Variants in PCCA observed in about 807,000 individuals in gnomAD.
The protein encoded by PCCA is propionyl-CoA carboxylase subunit alpha.
In PCCA, 74 loss-of-function variants were observed where a neutral mutation model predicts 101.3. That is an observed-to-expected ratio of 0.73 (90% confidence interval 0.61 to 0.89). PCCA has a LOEUF of 0.89. Ranked by LOEUF, PCCA falls within the 40% of genes least tolerant of loss-of-function variation. The probability of loss-of-function intolerance (pLI) is 0.00; values close to 1 mark genes in which losing one functional copy is unlikely to be tolerated. For missense variants in PCCA, 891 were observed against 907.0 expected (o/e 0.98, Z 0.23); for synonymous variants, 294 against 313.6 (o/e 0.94, Z 0.66).
intron 7 of PCCA, among the ~76,000 whole-genome samples, chr13:100,225,873 G>A (rs1365375678): frequency 6.6e-6 from 1 of 151,980 alleles, no homozygotes; most frequent in Non-Finnish European, 1.5e-5. Flanking sequence ...TCACTGAAAA[G>A]CACCACCTTC....
chr13:100,386,221 T>C (rs1002552732), intron 19 of PCCA, among the ~76,000 whole-genome samples: 7 of 152,192 alleles, frequency 4.6e-5, no homozygotes, highest in African/African-American at 1.7e-4. Flanking sequence ...CTCCCTGCTA[T>C]TGGTTTAAGG....
At chr13:100,353,510 T>G (rs1363455540) in intron 18 of PCCA, among the ~76,000 whole-genome samples, 1 of 152,146 alleles carries the variant, frequency 6.6e-6, no homozygotes, top group Non-Finnish European at 1.5e-5. Flanking sequence ...AATTAAGCAA[T>G]GTACTACCAA....
intron 20 of PCCA, among the ~76,000 whole-genome samples, chr13:100,439,120 G>A (rs1177201894): frequency 6.6e-6 from 1 of 152,124 alleles, no homozygotes; most frequent in African/African-American, 2.4e-5. Flanking sequence ...TGGTTACTGG[G>A]TTAGACCACT....
chr13:100,126,570 G>T (rs1185433499), intron 4 of PCCA, among the ~76,000 whole-genome samples: 1 of 151,972 alleles, frequency 6.6e-6, no homozygotes, highest in African/African-American at 2.4e-5. Context: ...GTAGCGGGGG[G>T]TCTCTTTGTG....
Position 100,405,769 on chromosome 13 carries a change from C to CTTTT in PCCA, c.1747-19847_1747-19844dup, listed in dbSNP as rs34906541. Among the ~76,000 whole-genome samples, 210 of 116,318 alleles carry CTTTT rather than the reference C, an allele frequency of 1.8e-3. 2 individuals carry two copies. The highest frequency in any genetic ancestry group is 3.1e-3 in the East Asian group (12 of 3,888). The allele number at this position is 116,318 out of a possible 152,430, so 76.3% of individuals were successfully genotyped here. ...CCTGGACCTGTTAGGAAGTGACATT[C>CTTTT]TTTTTTTTTTTTTTTTTTTTGAGAT... is the stretch of plus-strand genomic sequence containing the variant. On this transcript the variant is annotated intron_variant, in intron 19 of 23. Coordinates refer to ENST00000376285, the MANE Select transcript of PCCA (RefSeq NM_000282.4).
chr13:100,274,382 GA>G (rs1220946939), intron 12 of PCCA, among the ~76,000 whole-genome samples: 1 of 152,082 alleles, frequency 6.6e-6, no homozygotes, highest in Non-Finnish European at 1.5e-5. Context: ...TTATCTGTTA[GA>G]TTTCTGTAGA....
chr13:100,333,714 C>T (rs940432281), intron 17 of PCCA, among the ~76,000 whole-genome samples: 3 of 152,152 alleles, frequency 2.0e-5, no homozygotes, highest in Non-Finnish European at 4.4e-5. Context: ...TATACTTCAA[C>T]CCCAAGCCCC....
At chr13:100,310,530 G>A (rs1479807798) in intron 16 of PCCA, among the ~76,000 whole-genome samples, 6 of 152,142 alleles carry the variant, frequency 3.9e-5, no homozygotes, top group Middle Eastern at 3.4e-3. Context: ...GATATAATAC[G>A]ACATAGGGGC....
intron 4 of PCCA, among the ~76,000 whole-genome samples, chr13:100,153,104 G>A (rs2053536590): frequency 6.6e-6 from 1 of 151,946 alleles, no homozygotes; most frequent in Non-Finnish European, 1.5e-5. Context: ...GCAACTTTTT[G>A]TACCTCAAAG....
At chr13:100,232,153 C>T (rs1203379583) in intron 7 of PCCA, among the ~76,000 whole-genome samples, 1 of 152,180 alleles carries the variant, frequency 6.6e-6, no homozygotes, top group Admixed American at 6.5e-5. Context: ...AACAGGGCCA[C>T]GCCGTCCATA....
chr13:100,304,231 C>A (rs148971346), intron 14 of PCCA, among the ~76,000 whole-genome samples: 233 of 152,248 alleles, frequency 1.5e-3, no homozygotes, highest in African/African-American at 5.4e-3. Context: ...GTGAGCCATC[C>A]ATAGAAAGAA....
At chr13:100,092,782 G>T (rs771612703) in intron 1 of PCCA, among the ~76,000 whole-genome samples, 10 of 152,158 alleles carry the variant, frequency 6.6e-5, no homozygotes, top group South Asian at 2.1e-4. Flanking sequence ...ATATGGAAAA[G>T]AATGTTTAGG....
intron 4 of PCCA, among the ~76,000 whole-genome samples, chr13:100,137,524 A>G (rs9557392): frequency 0.31 from 46,599 of 152,024 alleles, 8,037 homozygotes; most frequent in East Asian, 0.7. Context: ...GTTGTTAGGA[A>G]CATACACATT....
chr13:100,460,585 A>G (rs894350527), intron 21 of PCCA, among the ~76,000 whole-genome samples: 7 of 152,234 alleles, frequency 4.6e-5, no homozygotes, highest in African/African-American at 1.7e-4. Context: ...GCTAATTTAA[A>G]TCTCAAATTA....
At chr13:100,421,810 G>A (rs948184241) in intron 19 of PCCA, among the ~76,000 whole-genome samples, 3 of 151,726 alleles carry the variant, frequency 2.0e-5, no homozygotes, top group African/African-American at 7.3e-5. Flanking sequence ...TCAGCCTCCC[G>A]AGTAGCTGGG....
At chr13:100,296,791 A>G (rs1479678142) in intron 12 of PCCA, among the ~76,000 whole-genome samples, 1 of 152,210 alleles carries the variant, frequency 6.6e-6, no homozygotes, top group Non-Finnish European at 1.5e-5. Context: ...CTATAGCACC[A>G]TAATCAAAAT....
rs113438150 is a variant in PCCA, at chr13:100,089,107, C to T, written c.-14C>T. The stretch of plus-strand genomic sequence containing the variant: ...TGTGAGAGGTCAGCAGAGGGGCGGT[C>T]TGCGGGGACAACAATGGCGGGGTTC... On this transcript the variant is annotated 5_prime_UTR_variant, in exon 1 of 24. Coordinates refer to ENST00000376285, the MANE Select transcript of PCCA (RefSeq NM_000282.4). The T allele has an allele frequency of 4.0e-4, 587 of 1,481,524 alleles. 4 individuals carry two copies. In the African/African-American group the frequency reaches 7.7e-3, roughly 19 times the overall value. The allele number at this position is 1,481,524 out of a possible 1,614,324, so 91.8% of individuals were successfully genotyped here.
intron 22 of PCCA, among the ~76,000 whole-genome samples, chr13:100,526,513 G>A (rs1362079165): frequency 2.6e-5 from 4 of 152,232 alleles, no homozygotes; most frequent in Admixed American, 2.0e-4. Context: ...CCACACGGGG[G>A]GGCCAGAGGG....
At chr13:100,483,553 T>C (rs528225107) in intron 21 of PCCA, among the ~76,000 whole-genome samples, 16 of 152,358 alleles carry the variant, frequency 1.1e-4, no homozygotes, top group African/African-American at 3.4e-4. Flanking sequence ...AAGAATAAAC[T>C]ATACCGCCCT....
Sources: gnomAD v4.1 joint callset for allele counts (sites outside exome capture counted in the v4.1 genomes callset) on GRCh38, gnomAD v4.1.1 for gene constraint, MANE v1.5 for transcripts, NCBI Gene and HGNC (gene_info 2026-07-23, HGNC 2026-07-21) for gene names.